The following C17orf67 variants were observed in gnomAD, a reference collection of about 807,000 sequenced individuals.
The protein encoded by C17orf67 is uncharacterized protein C17orf67.
C17orf67 carries 12 observed loss-of-function variants against 11.2 expected under a neutral mutation model. The observed-to-expected ratio is 1.07, with a 90% CI of 0.68 to 1.73. C17orf67 has a LOEUF of 1.73. C17orf67 is among the 40% of genes most tolerant of loss of function. The pLI, the probability that C17orf67 is intolerant of heterozygous loss-of-function variation, is 0.00. For missense variants in C17orf67, 115 were observed against 113.5 expected (o/e 1.01, Z -0.06); for synonymous variants, 59 against 46.9 (o/e 1.26, Z -1.05).
chr17:56,814,615 C>T (rs1905710253), intron 6 of C17orf67, among the ~76,000 whole-genome samples: 1 of 152,160 alleles, frequency 6.6e-6, no homozygotes, highest in East Asian at 1.9e-4. Flanking sequence ...GCAGCCCTCT[C>T]CAGATTCTAG....
intron 4 of C17orf67, among the ~76,000 whole-genome samples, chr17:56,822,254 G>A (rs1425105851): frequency 6.6e-6 from 1 of 152,196 alleles, no homozygotes; most frequent in African/African-American, 2.4e-5. Flanking sequence ...GTCCAAATCT[G>A]GGTGCTATTG....
chr17:56,802,248 A>G (rs920655236), intron 6 of C17orf67, among the ~76,000 whole-genome samples: 2 of 152,152 alleles, frequency 1.3e-5, no homozygotes, highest in Non-Finnish European at 2.9e-5. Context: ...GAGACACCAG[A>G]ACGGATTAGA....
intron 4 of C17orf67, among the ~76,000 whole-genome samples, chr17:56,820,400 G>A (rs573366699): frequency 2.0e-5 from 3 of 152,196 alleles, no homozygotes; most frequent in Non-Finnish European, 4.4e-5. Flanking sequence ...ACCAGCCCTG[G>A]AGAAGACACC....
rs1472639359 is a variant in C17orf67, at chr17:56,833,486, A to C, written c.-1002+132T>G. ...GCCCGCCCGCCACGGCAGGGGGCGG[A>C]AACCGCGGCCGGGCTCGGGGTCAGC... On this transcript the variant is annotated intron_variant, in intron 1 of 7. Coordinates refer to ENST00000397861, the MANE Select transcript of C17orf67 (RefSeq NM_001085430.4). The C allele has an allele frequency of 2.0e-5, 3 of 150,946 alleles. No homozygotes were observed. The East Asian group carries it at 5.9e-4, about 30-fold the overall frequency. The allele number at this position is 150,946 out of a possible 1,614,324, so 9.4% of individuals were successfully genotyped here. A position where few individuals can be genotyped will look rare whatever the true frequency, so the allele number is the denominator to read the frequency against.
intron 2 of C17orf67, among the ~76,000 whole-genome samples, chr17:56,831,951 T>C (rs574481098): frequency 6.6e-6 from 1 of 152,122 alleles, no homozygotes; most frequent in African/African-American, 2.4e-5. Flanking sequence ...AGTTTCTTTT[T>C]CTTTCTTTTT....
chr17:56,802,944 G>A (rs1039745622), intron 6 of C17orf67, among the ~76,000 whole-genome samples: 2 of 152,236 alleles, frequency 1.3e-5, no homozygotes, highest in Non-Finnish European at 2.9e-5. Context: ...GCAGTGGCAG[G>A]TAAAATGACT....
At chr17:56,795,230 A>T (rs1165515111) in intron 6 of C17orf67, 50 bp from the exon 7 acceptor site, 3 of 1,536,264 alleles carry the variant, frequency 2.0e-6, no homozygotes, top group Non-Finnish European at 2.7e-6. Context: ...GTGACAGCCA[A>T]GGGATCAATA....
intron 2 of C17orf67, among the ~76,000 whole-genome samples, chr17:56,826,229 C>CA (rs1906028075): frequency 6.6e-6 from 1 of 152,210 alleles, no homozygotes; most frequent in Non-Finnish European, 1.5e-5. Flanking sequence ...GCTGGGATTA[C>CA]AGGTGTGAGC....
At chr17:56,831,546 C>T (rs1906202236) in intron 2 of C17orf67, among the ~76,000 whole-genome samples, 1 of 152,028 alleles carries the variant, frequency 6.6e-6, no homozygotes, top group South Asian at 2.1e-4. Flanking sequence ...ATCATTGGGG[C>T]GTGAAGTTAC....
intron 4 of C17orf67, among the ~76,000 whole-genome samples, chr17:56,820,783 T>G (rs1905883432): frequency 6.7e-6 from 1 of 150,316 alleles, no homozygotes; most frequent in South Asian, 2.1e-4. Flanking sequence ...TTTTTTTTTT[T>G]TTTTTTGGAA....
At chr17:56,792,515 AGTG>A (rs111716809) in intron 7 of C17orf67, among the ~76,000 whole-genome samples, 163 bp from the exon 8 acceptor site, 18,204 of 73,476 alleles carry the variant, frequency 0.25, 1,275 homozygotes, top group South Asian at 0.31. Context: ...TAATGATGAT[AGTG>A]GTGGTGGTGG....
chr17:56,831,455 G>C (rs1023266195), intron 2 of C17orf67, among the ~76,000 whole-genome samples: 1 of 152,170 alleles, frequency 6.6e-6, no homozygotes, highest in African/African-American at 2.4e-5. Flanking sequence ...TTTGACACTA[G>C]AGTAGAAATA....
chr17:56,797,385 G>T (rs1005156063), intron 6 of C17orf67, among the ~76,000 whole-genome samples: 16 of 152,234 alleles, frequency 1.1e-4, no homozygotes, highest in African/African-American at 3.9e-4. Flanking sequence ...GCAAGGCAAG[G>T]AGGGAACAGG....
In C17orf67 at chr17:56,833,008, CT is replaced by C. The variant is rs1193381894; in HGVS notation, c.-668del. ...CAGTTTTCCTATGATCTCTGCGTTT[CT>C]TTTCTGTTCCTTTGGTCCCTTGCTT... On this transcript the variant is annotated 5_prime_UTR_variant, in exon 2 of 8. An upstream open reading frame in the 5' UTR gains an earlier in-frame stop. Coordinates refer to ENST00000397861, the MANE Select transcript of C17orf67 (RefSeq NM_001085430.4). 6.6e-6 allele frequency: 1 copy of C among 152,262 alleles called. No individual in the cohort carries two copies. The highest frequency in any genetic ancestry group is 2.4e-5 in the African/African-American group (1 of 41,460). The allele number at this position is 152,262 out of a possible 1,614,324, so 9.4% of individuals were successfully genotyped here. A position where few individuals can be genotyped will look rare whatever the true frequency, so the allele number is the denominator to read the frequency against.
intron 5 of C17orf67, among the ~76,000 whole-genome samples, chr17:56,815,386 AC>A (rs1310042370): frequency 6.6e-6 from 1 of 152,034 alleles, no homozygotes; most frequent in East Asian, 1.9e-4. Flanking sequence ...GATCATCACA[AC>A]CCCTCAAAGA....
Position 56,815,819 on chromosome 17 carries a change from G to T in C17orf67, c.-9C>A, listed in dbSNP as rs180874207. 147 of 1,613,832 alleles carry T rather than the reference G, an allele frequency of 9.1e-5. 1 individual carries two copies. In the East Asian group the frequency reaches 1.7e-3, roughly 19 times the overall value. On this transcript the variant is annotated 5_prime_UTR_variant, in exon 5 of 8. Coordinates refer to ENST00000397861, the MANE Select transcript of C17orf67 (RefSeq NM_001085430.4). ...ACAGGCAATGTCTTCATCCTGCCTTGGTTCCTCTGCCTCTTGCTGAGTGAA... is the reference window on the plus strand; with the variant it reads ...ACAGGCAATGTCTTCATCCTGCCTTTGTTCCTCTGCCTCTTGCTGAGTGAA...
rs565021364 is a variant in C17orf67, at chr17:56,807,858, C to A, written c.156+7011G>T. The stretch of plus-strand genomic sequence containing the variant: ...TGAGCCATGATCGCACCACTGCACT[C>A]CAGCCTGGGCAACACAGTGAGACCC... On this transcript the variant is annotated intron_variant, in intron 6 of 7. Transcript: ENST00000397861. 7.3e-5 allele frequency among the ~76,000 whole-genome samples: 11 copies of A among 151,328 alleles called. No individual in the cohort carries two copies. The East Asian group carries it at 2.1e-3, about 29-fold the overall frequency.
chr17:56,803,353 A>G (rs1905370136), intron 6 of C17orf67, among the ~76,000 whole-genome samples: 1 of 152,252 alleles, frequency 6.6e-6, no homozygotes, highest in East Asian at 1.9e-4. Context: ...CTGCTACAGA[A>G]GGCTGGCAAC....
chr17:56,823,932 A>G (rs1302623834), intron 4 of C17orf67, among the ~76,000 whole-genome samples: 1 of 152,246 alleles, frequency 6.6e-6, no homozygotes, highest in Non-Finnish European at 1.5e-5. Flanking sequence ...ACTTAAATGC[A>G]TATTACTCAA....
Sources: gnomAD v4.1 joint callset for allele counts (sites outside exome capture counted in the v4.1 genomes callset) on GRCh38, gnomAD v4.1.1 for gene constraint, MANE v1.5 for transcripts, NCBI Gene and HGNC (gene_info 2026-07-23, HGNC 2026-07-21) for gene names.